OR4K2: variants seen among roughly 807,000 people sequenced by gnomAD.
OR4K2 encodes the protein olfactory receptor family 4 subfamily K member 2, also known as olfactory receptor 4K2.
OR4K2 carries 8 observed loss-of-function variants against 10.5 expected under a neutral mutation model. That is an observed-to-expected ratio of 0.76 (90% CI 0.45 to 1.37). The LOEUF is 1.37. Ranked by LOEUF, OR4K2 falls within the 40% of genes most tolerant of loss-of-function variation. The probability of loss-of-function intolerance (pLI) is 0.00; values close to 1 mark genes in which losing one functional copy is unlikely to be tolerated. For missense variants in OR4K2, 547 were observed against 379.5 expected, an observed-to-expected ratio of 1.44 and a Z score of -3.67; for synonymous variants, 178 against 133.6, an observed-to-expected ratio of 1.33 and a Z score of -2.29.
Position 19,881,510 on chromosome 14 carries a change from C to T in OR4K2, c.*4298C>T, listed in dbSNP as rs1250379235. The stretch of plus-strand genomic sequence containing the variant: ...TTCTCTTTGATTTTTGTAAAACAAA[C>T]AAATAAATTCCAATATCTAGTATGC... On this transcript the variant is annotated 3_prime_UTR_variant, in exon 2 of 2. Coordinates refer to ENST00000641885, the MANE Select transcript of OR4K2 (RefSeq NM_001005501.2). 6.6e-6 allele frequency: 1 copy of T among 152,012 alleles called. No individual in the cohort carries two copies. Among genetic ancestry groups the T allele is most frequent in the East Asian group, 1.9e-4 (1 of 5,178 alleles). The allele number at this position is 152,012 out of a possible 1,614,324, so 9.4% of individuals were successfully genotyped here.
In OR4K2 at chr14:19,877,264, A is replaced by G. The variant is rs778391991; in HGVS notation, c.*52A>G. The stretch of plus-strand genomic sequence containing the variant: ...AATGCTGTGTTAGGCTTTTCTTTCT[A>G]GAGGGTTCTTACCAAATTGTAATTG... On this transcript the variant is annotated 3_prime_UTR_variant, in exon 2 of 2. Transcript: ENST00000641885. The G allele has an allele frequency of 4.9e-5, 63 of 1,296,124 alleles. No individual in the cohort carries two copies. Among genetic ancestry groups the G allele is most frequent in the Non-Finnish European group, 6.3e-5 (59 of 943,718 alleles). 80.3% of individuals were successfully genotyped at this position (1,296,124 alleles called of 1,614,324 possible).
rs556948579 is a variant in OR4K2 at position 19,881,114 on chromosome 14, T to G, written c.*3902T>G. On this transcript the variant is annotated 3_prime_UTR_variant, in exon 2 of 2. Transcript: ENST00000641885. ...GCAAAATTTGTTGAGAGAGTTGGAGTAATCCTCCTATTTCCCTATTCTTTC... is the reference window on the plus strand; with the variant it reads ...GCAAAATTTGTTGAGAGAGTTGGAGGAATCCTCCTATTTCCCTATTCTTTC... 9.8e-5 allele frequency: 15 copies of G among 152,370 alleles called. No individual in the cohort carries two copies. The highest frequency in any genetic ancestry group is 3.6e-4 in the African/African-American group (15 of 41,592). The allele number at this position is 152,370 out of a possible 1,614,324, so 9.4% of individuals were successfully genotyped here.
Position 19,876,688 on chromosome 14 carries a change from T to A in OR4K2, c.421T>A (p.Cys141Ser). 1 of 1,614,182 alleles carries A rather than the reference T, an allele frequency of 6.2e-7. No homozygotes were observed. Among genetic ancestry groups the A allele is most frequent in the Non-Finnish European group, 8.5e-7 (1 of 1,180,000 alleles). Reference sequence around the variant, plus strand: ...TGCTTCTGTCATTAGTCCCCAGGTGTGTGTTGCTCTCGTGGTGGCTTCCTG... The same window carrying A: ...TGCTTCTGTCATTAGTCCCCAGGTGAGTGTTGCTCTCGTGGTGGCTTCCTG... ...HYASVISPQV[C>S]VALVVASWIM... Residue 141 changes from cysteine to serine, a missense_variant, in exon 2 of 2, where the codon TGT becomes AGT. By Grantham distance (112) the Cys-to-Ser change is moderately radical (BLOSUM62 -1). Transcript: ENST00000641885.
Position 19,878,529 on chromosome 14 carries a change from A to C in OR4K2, c.*1317A>C, listed in dbSNP as rs1880965955. ...ATCATTTATGAAAGATAATTAAAACAGAAAATCCTTAGATGTTCATATTAA... is the reference window on the plus strand; with the variant it reads ...ATCATTTATGAAAGATAATTAAAACCGAAAATCCTTAGATGTTCATATTAA... On this transcript the variant is annotated 3_prime_UTR_variant, in exon 2 of 2. Transcript: ENST00000641885. 6.6e-6 allele frequency: 1 copy of C among 152,226 alleles called. No individual in the cohort carries two copies. The highest frequency in any genetic ancestry group is 2.4e-5 in the African/African-American group (1 of 41,474). 9.4% of individuals were successfully genotyped at this position (152,226 alleles called of 1,614,324 possible). A position where few individuals can be genotyped will look rare whatever the true frequency, so the allele number is the denominator to read the frequency against.
rs1406281860 is a variant in OR4K2 at position 19,877,319 on chromosome 14, G to A, written c.*107G>A. The A allele has an allele frequency of 2.1e-5, 16 of 772,866 alleles. No homozygotes were observed. Among genetic ancestry groups the A allele is most frequent in the Admixed American group, 5.9e-5 (2 of 33,850 alleles). 47.9% of individuals were successfully genotyped at this position (772,866 alleles called of 1,614,324 possible). A position where few individuals can be genotyped will look rare whatever the true frequency, so the allele number is the denominator to read the frequency against. On this transcript the variant is annotated 3_prime_UTR_variant, in exon 2 of 2. Transcript: ENST00000641885. Reference sequence around the variant, plus strand: ...GAATTTGTGAGGGCTCAAGTTCAGTGCATTTTGAAACTATTCTCATGAATG... The same window carrying A: ...GAATTTGTGAGGGCTCAAGTTCAGTACATTTTGAAACTATTCTCATGAATG...
Position 19,876,838 on chromosome 14 carries a change from G to T in OR4K2, c.571G>T (p.Asp191Tyr). The change falls in exon 2 of 2, where the codon GAT becomes TAT. Residue 191 changes from aspartate (D) to tyrosine (Y), a missense_variant. Asp to Tyr is a radical substitution (Grantham distance 160). Transcript: ENST00000641885. ...LPVVFQLACV[D>Y]TYVLGLFMIS... ...TGTGGTGTTCCAGTTGGCTTGTGTG[G>T]ATACTTATGTTCTGGGCCTCTTTAT... The T allele has an allele frequency of 6.2e-7, 1 of 1,614,194 alleles. No homozygotes were observed. The highest frequency in any genetic ancestry group is 1.1e-5 in the South Asian group (1 of 91,084).
At position 19,883,018 on chromosome 14, in the gene OR4K2, G is replaced by A. The variant is rs1020226514; in HGVS notation, c.*5806G>A. On this transcript the variant is annotated 3_prime_UTR_variant, in exon 2 of 2. Transcript: ENST00000641885. The stretch of plus-strand genomic sequence containing the variant: ...AATTTTTTGTATTTTTAGTAGAGAA[G>A]GGGTTATAATTTATCTTTTGAAAAA... 6.6e-6 allele frequency: 1 copy of A among 152,438 alleles called. No individual in the cohort carries two copies. The highest frequency in any genetic ancestry group is 2.4e-5 in the African/African-American group (1 of 41,394). The allele number at this position is 152,438 out of a possible 1,614,324, so 9.4% of individuals were successfully genotyped here. A position where few individuals can be genotyped will look rare whatever the true frequency, so the allele number is the denominator to read the frequency against.
At position 19,879,005 on chromosome 14, in the gene OR4K2, G is replaced by A. The variant is rs897689661; in HGVS notation, c.*1793G>A. 1 of 152,218 alleles carries A rather than the reference G, an allele frequency of 6.6e-6. No individual in the cohort carries two copies. The allele number at this position is 152,218 out of a possible 1,614,324, so 9.4% of individuals were successfully genotyped here. The stretch of plus-strand genomic sequence containing the variant: ...AACTGTGGAATCTTTTGGAAGAGAC[G>A]CTATTGATTTTCTGTGCTTTTGTGG... On this transcript the variant is annotated 3_prime_UTR_variant, in exon 2 of 2. Coordinates refer to ENST00000641885, the MANE Select transcript of OR4K2 (RefSeq NM_001005501.2).
chr14:19,876,236 G>GGT lies in OR4K2; in HGVS notation c.-23-9_-23-8insGT. 2.0e-6 allele frequency: 1 copy of GGT among 508,978 alleles called. No individual in the cohort carries two copies. Among genetic ancestry groups the GGT allele is most frequent in the Non-Finnish European group, 3.0e-6 (1 of 337,104 alleles). The allele number at this position is 508,978 out of a possible 1,614,324, so 31.5% of individuals were successfully genotyped here. A position where few individuals can be genotyped will look rare whatever the true frequency, so the allele number is the denominator to read the frequency against. ...TTCCTTTTTTTTTTTTTTTTTTTTCGTGATACAGGCTTCTGCCTATGAATC... is the reference window on the plus strand; with the variant it reads ...TTCCTTTTTTTTTTTTTTTTTTTTCGGTTGATACAGGCTTCTGCCTATGAATC... On this transcript the variant is annotated splice_polypyrimidine_tract_variant and intron_variant, in intron 1 of 1. Transcript: ENST00000641885.
rs1880950159 is a variant in OR4K2, at chr14:19,877,874, C to T, written c.*662C>T. 6.6e-6 allele frequency: 1 copy of T among 152,314 alleles called. No homozygotes were observed. Among genetic ancestry groups the T allele is most frequent in the Admixed American group, 6.5e-5 (1 of 15,274 alleles). The allele number at this position is 152,314 out of a possible 1,614,324, so 9.4% of individuals were successfully genotyped here. A position where few individuals can be genotyped will look rare whatever the true frequency, so the allele number is the denominator to read the frequency against. On this transcript the variant is annotated 3_prime_UTR_variant, in exon 2 of 2. Transcript: ENST00000641885. ...TGATAATGCGGAATGAGTAGGGAGG[C>T]TGGAGAATTCTGCAAATCAGAAAAT...
chr14:19,876,974 C>G lies in OR4K2; in HGVS notation c.707C>G (p.Ala236Gly). ...CATTCTTCCAGAGGATCATCTAAGG[C>G]CCTTTCTACTTGTACAGCTCATTTC... is the stretch of plus-strand genomic sequence containing the variant. ...KHHSSRGSSKALSTCTAHFIV... is the reference protein window; with the variant it reads ...KHHSSRGSSKGLSTCTAHFIV... Residue 236 changes from alanine (A) to glycine (G), a missense_variant, in exon 2 of 2, where the codon GCC (alanine) becomes GGC (glycine). Ala to Gly is a moderately conservative substitution (Grantham distance 60). Transcript: ENST00000641885. 5 of 1,613,994 alleles carry G rather than the reference C, an allele frequency of 3.1e-6. No homozygotes were observed. Among genetic ancestry groups the G allele is most frequent in the Non-Finnish European group, 4.2e-6 (5 of 1,179,950 alleles).
rs1880986526 is a variant in OR4K2 at position 19,879,415 on chromosome 14, A to G, written c.*2203A>G. ...ATGGACTCGTTAAGCAATAGTAAGG[A>G]TGGTGCCAGCTGCCACCAGAGTTTC... On this transcript the variant is annotated 3_prime_UTR_variant, in exon 2 of 2. Coordinates refer to ENST00000641885, the MANE Select transcript of OR4K2 (RefSeq NM_001005501.2). 1 of 152,352 alleles carries G rather than the reference A, an allele frequency of 6.6e-6. No homozygotes were observed. The highest frequency in any genetic ancestry group is 6.5e-5 in the Admixed American group (1 of 15,278). The allele number at this position is 152,352 out of a possible 1,614,324, so 9.4% of individuals were successfully genotyped here. A position where few individuals can be genotyped will look rare whatever the true frequency, so the allele number is the denominator to read the frequency against.
rs1880882589 is a variant in OR4K2 at position 19,875,933 on chromosome 14, T to C, written c.-225T>C. On this transcript the variant is annotated 5_prime_UTR_variant, in exon 1 of 2. Coordinates refer to ENST00000641885, the MANE Select transcript of OR4K2 (RefSeq NM_001005501.2). ...AAGTTCTTACTGTTATCGTTAGACT[T>C]ACACAGATGAATAGATGGACAAATA... 1 of 281,368 alleles carries C rather than the reference T, an allele frequency of 3.6e-6. No homozygotes were observed. Among genetic ancestry groups the C allele is most frequent in the Admixed American group, 4.9e-5 (1 of 20,476 alleles). The allele number at this position is 281,368 out of a possible 1,614,324, so 17.4% of individuals were successfully genotyped here.
Position 19,876,893 on chromosome 14 carries a change from C to T in OR4K2, c.626C>T (p.Ser209Phe). ...MISTSGIIAL[S>F]CFIVLFNSYV... Reference sequence around the variant, plus strand: ...TCAACAAGTGGCATAATTGCGTTGTCCTGTTTTATTGTTTTATTTAATTCA... The same window carrying T: ...TCAACAAGTGGCATAATTGCGTTGTTCTGTTTTATTGTTTTATTTAATTCA... Residue 209 changes from serine to phenylalanine, a missense_variant, in exon 2 of 2, where the codon TCC becomes TTC. By Grantham distance (155) the Ser-to-Phe change is radical (BLOSUM62 -2). Transcript: ENST00000641885. The T allele has an allele frequency of 1.2e-6, 2 of 1,614,164 alleles. No individual in the cohort carries two copies. Among genetic ancestry groups the T allele is most frequent in the Non-Finnish European group, 1.7e-6 (2 of 1,179,998 alleles).
chr14:19,876,433 C>T lies in OR4K2; in HGVS notation c.166C>T (p.His56Tyr), dbSNP rs150958728. The change falls in exon 2 of 2, where the codon CAC becomes TAC. Residue 56 changes from histidine (H) to tyrosine (Y), a missense_variant. Physicochemically the swap from His to Tyr is moderately conservative, Grantham distance 83. Transcript: ENST00000641885. ...VITVIVDPHL[H>Y]SPMYFLLTNL... ...CACAGTTATAGTGGACCCTCACCTA[C>T]ACTCTCCTATGTATTTCCTGCTTAC... 1.9e-4 allele frequency: 313 copies of T among 1,614,088 alleles called. 1 individual carries two copies. In the East Asian group the frequency reaches 6.3e-3, roughly 33 times the overall value.
chr14:19,881,381 G>C lies in OR4K2; in HGVS notation c.*4169G>C, dbSNP rs534836633. ...AAATATGCACAAATTATTCTGGAGCGTGTAGGACCAACACTCAAATGAGAC... is the reference window on the plus strand; with the variant it reads ...AAATATGCACAAATTATTCTGGAGCCTGTAGGACCAACACTCAAATGAGAC... On this transcript the variant is annotated 3_prime_UTR_variant, in exon 2 of 2. Transcript: ENST00000641885. 1.3e-5 allele frequency: 2 copies of C among 152,326 alleles called. No homozygotes were observed. Among genetic ancestry groups the C allele is most frequent in the East Asian group, 3.9e-4 (2 of 5,186 alleles). 9.4% of individuals were successfully genotyped at this position (152,326 alleles called of 1,614,324 possible). A position where few individuals can be genotyped will look rare whatever the true frequency, so the allele number is the denominator to read the frequency against.
rs749456110 is a variant in OR4K2 at position 19,876,252 on chromosome 14, C to T, written c.-16C>T. ...TTTTTTTTCGTGATACAGGCTTCTGCCTATGAATCAAGACAATGGATGTGG... is the reference window on the plus strand; with the variant it reads ...TTTTTTTTCGTGATACAGGCTTCTGTCTATGAATCAAGACAATGGATGTGG... On this transcript the variant is annotated 5_prime_UTR_variant, in exon 2 of 2. Transcript: ENST00000641885. The T allele has an allele frequency of 3.2e-6, 4 of 1,244,274 alleles. No individual in the cohort carries two copies. The Admixed American group carries it at 8.4e-5, about 26-fold the overall frequency. The allele number at this position is 1,244,274 out of a possible 1,614,324, so 77.1% of individuals were successfully genotyped here.
At position 19,876,804 on chromosome 14, in the gene OR4K2, T is replaced by A. The variant is rs763164959; in HGVS notation, c.537T>A (p.Cys179Ter). 1.9e-6 allele frequency: 3 copies of A among 1,614,108 alleles called. No homozygotes were observed. The African/African-American group carries it at 4.0e-5, about 22-fold the overall frequency. ...CGPYEVDSFF[C>*]DLPVVFQLAC... ...CCTATGAGGTAGACAGCTTTTTCTG[T>A]GACCTTCCTGTGGTGTTCCAGTTGG... The change falls in exon 2 of 2, where the codon TGT becomes TGA. Residue 179 changes from cysteine to a stop codon, truncating the protein, a stop_gained. Transcript: ENST00000641885. LOFTEE classifies it high-confidence loss of function.
Position 19,881,795 on chromosome 14 carries a change from G to A in OR4K2, c.*4583G>A, listed in dbSNP as rs1881042361. The stretch of plus-strand genomic sequence containing the variant: ...TTCTCCCTTTGCTCACTTGCCACCT[G>A]TTAAAGAAAATTTAAAGGAGAGATT... On this transcript the variant is annotated 3_prime_UTR_variant, in exon 2 of 2. Transcript: ENST00000641885. 1.3e-5 allele frequency: 2 copies of A among 151,436 alleles called. No individual in the cohort carries two copies. Among genetic ancestry groups the A allele is most frequent in the African/African-American group, 2.4e-5 (1 of 41,214 alleles). The allele number at this position is 151,436 out of a possible 1,614,324, so 9.4% of individuals were successfully genotyped here.
Sources: allele counts gnomAD v4.1 joint callset, GRCh38; gene constraint gnomAD v4.1.1; transcripts MANE v1.5; gene names NCBI Gene and HGNC (gene_info 2026-07-23, HGNC 2026-07-21).